Variants in TRPM3 observed in about 807,000 individuals in gnomAD.
The protein encoded by TRPM3 is transient receptor potential cation channel subfamily M member 3, also known as long transient receptor potential channel 3.
Under a neutral mutation model 181.2 loss-of-function variants are expected in TRPM3, and 77 were observed. That is an observed-to-expected ratio of 0.42 (90% CI 0.35 to 0.51). The LOEUF is 0.51. TRPM3 is among the 20% of genes least tolerant of loss of function. TRPM3 has a pLI of 0.01. For synonymous variants in TRPM3, 745 were observed against 796.4 expected, an observed-to-expected ratio of 0.94 and a Z score of 1.09; for missense variants, 1,759 against 2,196.7, an observed-to-expected ratio of 0.80 and a Z score of 3.98.
chr9:70,993,406 T>A (rs1326388865), intron 1 of TRPM3, among the ~76,000 whole-genome samples: 1 of 152,020 alleles, frequency 6.6e-6, no homozygotes, highest in African/African-American at 2.4e-5. Context: ...ATGGGCTAAC[T>A]GGGAGGGGGT....
At chr9:70,602,124 T>TTTTTTTC (rs1172901557) in intron 20 of TRPM3, among the ~76,000 whole-genome samples, 2 of 150,560 alleles carry the variant, frequency 1.3e-5, no homozygotes, top group East Asian at 1.9e-4. Context: ...TTTTTTTTTT[T>TTTTTTTC]AAATCCAGGC....
At chr9:71,278,049 C>T (rs2084364022) in intron 1 of TRPM3, among the ~76,000 whole-genome samples, 1 of 152,218 alleles carries the variant, frequency 6.6e-6, no homozygotes, top group Admixed American at 6.5e-5. Context: ...GGGGCTGGGG[C>T]AGCTGCTCGG....
intron 8 of TRPM3, among the ~76,000 whole-genome samples, chr9:70,697,538 G>A (rs1368019569): frequency 6.6e-6 from 1 of 152,068 alleles, no homozygotes; most frequent in African/African-American, 2.4e-5. Context: ...CTACTCCAGG[G>A]TCAAAACTCT....
chr9:70,863,886 T>A (rs1255259907), intron 2 of TRPM3, among the ~76,000 whole-genome samples: 1 of 152,110 alleles, frequency 6.6e-6, no homozygotes, highest in Non-Finnish European at 1.5e-5. Flanking sequence ...GTCTATATTT[T>A]AAACTGATCT....
intron 1 of TRPM3, among the ~76,000 whole-genome samples, chr9:71,339,661 T>G (rs1698266436): frequency 6.6e-6 from 1 of 152,114 alleles, no homozygotes; most frequent in African/African-American, 2.4e-5. Flanking sequence ...ATACATAGCG[T>G]ATGACTCTAT....
intron 25 of TRPM3, among the ~76,000 whole-genome samples, chr9:70,540,124 C>T (rs2042898691): frequency 1.3e-5 from 2 of 152,196 alleles, no homozygotes; most frequent in African/African-American, 2.4e-5. Flanking sequence ...AGGCATGAGC[C>T]ACTGCACTTG....
chr9:71,352,837 G>A (rs2091715975), intron 1 of TRPM3, among the ~76,000 whole-genome samples: 6 of 152,084 alleles, frequency 3.9e-5, no homozygotes, highest in Admixed American at 3.9e-4. Context: ...CTCCCTTGGA[G>A]GTGTAACCTT....
In TRPM3 at chr9:71,014,570, T is replaced by C. The variant is rs957027628; in HGVS notation, c.177+106608A>G. On this transcript the variant is annotated intron_variant, in intron 1 of 25. Transcript: ENST00000677713. Reference sequence around the variant, plus strand: ...AGATATTAATTACTAAGGGCCTTCATTGTGTATCGTGGCCTTTAGCATTAT... The same window carrying C: ...AGATATTAATTACTAAGGGCCTTCACTGTGTATCGTGGCCTTTAGCATTAT... Among the ~76,000 whole-genome samples the C allele has an allele frequency of 9.2e-5, 14 of 152,256 alleles. 1 individual carries two copies. Among genetic ancestry groups the C allele is most frequent in the African/African-American group, 3.1e-4 (13 of 41,582 alleles).
chr9:70,803,298 A>ACC (rs2089746970), intron 6 of TRPM3, among the ~76,000 whole-genome samples: 1 of 151,904 alleles, frequency 6.6e-6, no homozygotes, highest in African/African-American at 2.4e-5. Flanking sequence ...TTGGAAATAC[A>ACC]CTCTTCACTT....
intron 1 of TRPM3, among the ~76,000 whole-genome samples, chr9:70,985,849 G>C (rs1297041309): frequency 1.3e-5 from 2 of 152,208 alleles, no homozygotes; most frequent in Admixed American, 6.5e-5. Context: ...ATGAGGCACT[G>C]GGTGGAGTAC....
chr9:71,058,975 T>A (rs2060976809), intron 1 of TRPM3, among the ~76,000 whole-genome samples: 1 of 144,874 alleles, frequency 6.9e-6, no homozygotes, highest in Non-Finnish European at 1.5e-5. Flanking sequence ...TTTGCTCAAA[T>A]AAACTCTATA....
chr9:70,788,070 G>A (rs2084329987), intron 6 of TRPM3, among the ~76,000 whole-genome samples: 2 of 139,262 alleles, frequency 1.4e-5, no homozygotes, highest in Admixed American at 1.5e-4. Flanking sequence ...GTGCAGGTTA[G>A]TTACATATGT....
At chr9:71,201,896 A>C (rs919767072) in intron 1 of TRPM3, among the ~76,000 whole-genome samples, 2 of 152,154 alleles carry the variant, frequency 1.3e-5, no homozygotes, top group African/African-American at 4.8e-5. Context: ...TTGGAGGAGG[A>C]GAGGCACTCT....
At chr9:70,880,266 T>G (rs2095963169) in intron 1 of TRPM3, among the ~76,000 whole-genome samples, 1 of 152,148 alleles carries the variant, frequency 6.6e-6, no homozygotes, top group Admixed American at 6.6e-5. Flanking sequence ...TGTTAAACAG[T>G]ATAATTGCCC....
chr9:70,554,551 C>T (rs969089060), intron 22 of TRPM3, among the ~76,000 whole-genome samples: 1 of 152,126 alleles, frequency 6.6e-6, no homozygotes, highest in East Asian at 1.9e-4. Flanking sequence ...GATCACCTGG[C>T]GAGCTCTAAA....
chr9:71,244,726 G>A (rs1306561763), intron 1 of TRPM3, among the ~76,000 whole-genome samples: 2 of 152,184 alleles, frequency 1.3e-5, no homozygotes, highest in Admixed American at 1.3e-4. Flanking sequence ...TTCCTGATAT[G>A]TGTAAAGCGC....
intron 1 of TRPM3, among the ~76,000 whole-genome samples, chr9:71,235,880 G>A (rs901453774): frequency 6.6e-6 from 1 of 152,136 alleles, no homozygotes; most frequent in Non-Finnish European, 1.5e-5. Flanking sequence ...TATCCATGAT[G>A]GTAGAAAATA....
intron 9 of TRPM3, among the ~76,000 whole-genome samples, chr9:70,656,273 A>G (rs1308143486): frequency 6.6e-6 from 1 of 152,240 alleles, no homozygotes; most frequent in Non-Finnish European, 1.5e-5. Context: ...AGACAGAATG[A>G]TCTTTGTTTA....
intron 1 of TRPM3, among the ~76,000 whole-genome samples, chr9:71,369,461 GTA>G (rs1292818038): frequency 6.6e-6 from 1 of 152,150 alleles, no homozygotes; most frequent in African/African-American, 2.4e-5. Flanking sequence ...ATCTAGGTGT[GTA>G]GTAAATGCAA....
Sources: gnomAD v4.1 joint callset for allele counts (sites outside exome capture counted in the v4.1 genomes callset) on GRCh38, gnomAD v4.1.1 for gene constraint, MANE v1.5 for transcripts, NCBI Gene and HGNC (gene_info 2026-07-23, HGNC 2026-07-21) for gene names.